Variants in DCAF12 observed in about 807,000 individuals in gnomAD.
DCAF12 encodes DDB1 and CUL4 associated factor 12, also known as DDB1- and CUL4-associated factor 12.
DCAF12 carries 28 observed loss-of-function variants against 52.8 expected under a neutral mutation model. The observed-to-expected ratio is 0.53, with a 90% confidence interval of 0.39 to 0.73. The LOEUF (loss-of-function observed/expected upper bound fraction) is 0.73, where lower values mean the gene tolerates loss of function less well. Ranked by LOEUF, DCAF12 falls within the 30% of genes least tolerant of loss-of-function variation. The pLI, the probability that DCAF12 is intolerant of heterozygous loss-of-function variation, is 0.00. For missense variants in DCAF12, 425 were observed against 552.2 expected (o/e 0.77, Z 2.31); for synonymous variants, 196 against 215.5 (o/e 0.91, Z 0.79).
intron 2 of DCAF12, among the ~76,000 whole-genome samples, chr9:34,110,629 C>T (rs754061753): frequency 5.9e-5 from 9 of 152,046 alleles, no homozygotes; most frequent in Non-Finnish European, 1.2e-4. Context: ...TTTGGAAGGC[C>T]GAGAAAGAAG....
chr9:34,122,341 C>A (rs1434900328), intron 2 of DCAF12, among the ~76,000 whole-genome samples: 3 of 152,144 alleles, frequency 2.0e-5, no homozygotes, highest in Non-Finnish European at 4.4e-5. Flanking sequence ...TAAATGACTG[C>A]CAAATCATTA....
intron 6 of DCAF12, among the ~76,000 whole-genome samples, chr9:34,094,516 T>C (rs1828701538): frequency 6.6e-6 from 1 of 152,194 alleles, no homozygotes; most frequent in South Asian, 2.1e-4. Context: ...TGTTTTGAAT[T>C]TCGGATTTCT....
At chr9:34,091,005 C>A (rs969543374) in intron 7 of DCAF12, among the ~76,000 whole-genome samples, 3 of 151,814 alleles carry the variant, frequency 2.0e-5, no homozygotes, top group Non-Finnish European at 4.4e-5. Context: ...ATTCTTTGTT[C>A]TAAAATGTAA....
At chr9:34,108,480 A>G (rs1828940158) in intron 2 of DCAF12, among the ~76,000 whole-genome samples, 1 of 152,212 alleles carries the variant, frequency 6.6e-6, no homozygotes, top group African/African-American at 2.4e-5. Flanking sequence ...AGGAGAAACT[A>G]GGTGAGTCTT....
Position 34,125,168 on chromosome 9 carries a change from T to G in DCAF12, c.188A>C (p.Tyr63Ser). Residue 63 changes from tyrosine (Y) to serine (S), a missense_variant, in exon 2 of 9, where the codon TAC becomes TCC. Tyr to Ser is a moderately radical substitution (Grantham distance 144). Transcript: ENST00000361264. ...REVRLQNETS[Y>S]SRVLHGYAAQ... ...TGCATAACCATGCAACACTCGAGAG[T>G]AGCTGGTTTCATTCTGTAGCCTGAC... The G allele has an allele frequency of 6.2e-7, 1 of 1,614,038 alleles. No homozygotes were observed. The highest frequency in any genetic ancestry group is 8.5e-7 in the Non-Finnish European group (1 of 1,180,016).
At chr9:34,121,055 G>A (rs764634543) in intron 2 of DCAF12, among the ~76,000 whole-genome samples, 1 of 152,018 alleles carries the variant, frequency 6.6e-6, no homozygotes, top group Non-Finnish European at 1.5e-5. Flanking sequence ...TCGGGAGGCA[G>A]AGGTGAGAGA....
intron 2 of DCAF12, among the ~76,000 whole-genome samples, chr9:34,121,858 G>A (rs1008389590): frequency 7.2e-5 from 11 of 152,068 alleles, no homozygotes; most frequent in African/African-American, 2.7e-4. Context: ...CGGGAGAATC[G>A]ATTGAACCCA....
chr9:34,107,214 C>T, intron 3 of DCAF12, 145 bp downstream of exon 3: 1 of 739,550 alleles, frequency 1.4e-6, no homozygotes, highest in Non-Finnish European at 2.3e-6. Flanking sequence ...CTGAGGTGTG[C>T]TGCTTGCCCC....
At chr9:34,116,872 G>A (rs1163724324) in intron 2 of DCAF12, among the ~76,000 whole-genome samples, 6 of 152,268 alleles carry the variant, frequency 3.9e-5, no homozygotes, top group African/African-American at 7.2e-5. Context: ...CCAGCTACTC[G>A]GGAGGATGAG....
At chr9:34,108,265 T>C (rs1828936746) in intron 2 of DCAF12, among the ~76,000 whole-genome samples, 1 of 152,214 alleles carries the variant, frequency 6.6e-6, no homozygotes, top group Admixed American at 6.6e-5. Context: ...CAACAGTTCA[T>C]TCCTTCGGAC....
chr9:34,121,932 ACT>A (rs917281241), intron 2 of DCAF12, among the ~76,000 whole-genome samples: 7 of 152,092 alleles, frequency 4.6e-5, no homozygotes, highest in African/African-American at 1.2e-4. Context: ...ACATAGCGAG[ACT>A]CTGTCTCAAA....
At position 34,092,846 on chromosome 9, in the gene DCAF12, C is replaced by G. The variant is rs556110221; in HGVS notation, c.1024+440G>C. 1.6e-4 allele frequency among the ~76,000 whole-genome samples: 25 copies of G among 152,172 alleles called. No homozygotes were observed. The South Asian group carries it at 5.0e-3, about 30-fold the overall frequency. ...TAGTGCCCTTTTGTGTCACTCCCCC[C>G]ACACCCCTTTTTTTTTGAGACAGAA... On this transcript the variant is annotated intron_variant, in intron 7 of 8. Transcript: ENST00000361264.
chr9:34,097,791 T>A (rs1330926108), intron 5 of DCAF12, among the ~76,000 whole-genome samples: 2 of 151,910 alleles, frequency 1.3e-5, no homozygotes, highest in African/African-American at 4.8e-5. Context: ...AAATTAGCCA[T>A]GTGTAGCGGT....
intron 6 of DCAF12, chr9:34,096,174 A>G (rs1386537017): frequency 1.3e-5 from 2 of 152,362 alleles, no homozygotes; most frequent in Admixed American, 6.6e-5. Flanking sequence ...TGGGAAACAT[A>G]GTGAGACTCT....
At chr9:34,118,448 A>G (rs539154092) in intron 2 of DCAF12, among the ~76,000 whole-genome samples, 3 of 152,180 alleles carry the variant, frequency 2.0e-5, no homozygotes, top group Non-Finnish European at 2.9e-5. Context: ...ATTGATTTCT[A>G]TATACTCAAG....
intron 4 of DCAF12, among the ~76,000 whole-genome samples, 156 bp from the exon 5 acceptor site, chr9:34,098,673 AG>A (rs2131429681): frequency 6.6e-6 from 1 of 152,376 alleles, no homozygotes; most frequent in South Asian, 2.1e-4. Context: ...ACAGAGCAGT[AG>A]GCATTTTAAT....
rs947007400 is a variant in DCAF12, at chr9:34,125,394, A to G, written c.79-117T>C. 2.7e-5 allele frequency: 31 copies of G among 1,163,100 alleles called. No homozygotes were observed. In the African/African-American group the frequency reaches 3.9e-4, roughly 14 times the overall value. The allele number at this position is 1,163,100 out of a possible 1,614,324, so 72.0% of individuals were successfully genotyped here. A position where few individuals can be genotyped will look rare whatever the true frequency, so the allele number is the denominator to read the frequency against. On this transcript the variant is annotated intron_variant, in intron 1 of 8. Transcript: ENST00000361264. The stretch of plus-strand genomic sequence containing the variant: ...ACTGCAGAATTTACAAACAACACAA[A>G]TACAAACACAAGAGAACAAGAATCT...
intron 4 of DCAF12, among the ~76,000 whole-genome samples, chr9:34,102,777 G>A (rs1828849282): frequency 6.6e-6 from 1 of 151,778 alleles, no homozygotes. Context: ...CCTGCAGCAA[G>A]GAAATGTTAT....
chr9:34,105,399 C>T (rs754159188), intron 4 of DCAF12, among the ~76,000 whole-genome samples: 1 of 152,136 alleles, frequency 6.6e-6, no homozygotes, highest in Admixed American at 6.6e-5. Context: ...GCACTCCAGC[C>T]TGGGTGACAG....
Sources: gnomAD v4.1 joint callset for allele counts (sites outside exome capture counted in the v4.1 genomes callset) on GRCh38, gnomAD v4.1.1 for gene constraint, MANE v1.5 for transcripts, NCBI Gene and HGNC (gene_info 2026-07-23, HGNC 2026-07-21) for gene names.